The following P2RX5 variants were observed in gnomAD, a reference collection of about 807,000 sequenced individuals.
P2RX5 encodes the protein P2X purinoceptor 5.
In P2RX5, 46 loss-of-function variants were observed where a neutral mutation model predicts 54.1. The observed-to-expected ratio is 0.85, with a 90% CI of 0.67 to 1.09. The LOEUF (loss-of-function observed/expected upper bound fraction) is 1.09, where lower values mean the gene tolerates loss of function less well. Among genes scored for constraint, P2RX5 ranks in the 50% least tolerant of loss-of-function variants. P2RX5 has a pLI of 0.00. For synonymous variants in P2RX5, 226 were observed against 226.4 expected (o/e 1.00, Z 0.02); for missense variants, 566 against 549.8 (o/e 1.03, Z -0.29).
At chr17:3,700,041 C>T (rs1440006312), upstream of P2RX5, among the ~76,000 whole-genome samples, 3 of 152,076 alleles carry the variant, frequency 2.0e-5, no homozygotes, top group Admixed American at 1.3e-4. Flanking sequence ...CCACATATGG[C>T]ATTGTGATGT....
chr17:3,720,503 T>C, the P2RX5 span: 7 of 647,968 alleles, frequency 1.1e-5, no homozygotes, highest in African/African-American at 1.8e-5. Context: ...AAGGTATTCC[T>C]GGGCTTAGTT....
rs2050035314 is a variant in P2RX5, at chr17:3,673,758, CAATGTACA to C, written c.*102_*109del. The C allele has an allele frequency of 1.9e-6, 3 of 1,610,424 alleles. No individual in the cohort carries two copies. The highest frequency in any genetic ancestry group is 2.5e-6 in the Non-Finnish European group (3 of 1,179,342). ...CCTGTGATGTGGCATTGATAGCACC[CAATGTACA>C]AATTTCCCGTTGGGCAGCATCCTGG... On this transcript the variant is annotated 3_prime_UTR_variant, in exon 12 of 12. Coordinates refer to ENST00000225328, the MANE Select transcript of P2RX5 (RefSeq NM_002561.4).
chr17:3,719,648 ATAAC>A, the P2RX5 span, among the ~76,000 whole-genome samples: 1 of 152,246 alleles, frequency 6.6e-6, no homozygotes, highest in Non-Finnish European at 1.5e-5. Flanking sequence ...GTTTAATACT[ATAAC>A]TAAACACTGA....
At chr17:3,699,860 AG>A (rs59131365), upstream of P2RX5, among the ~76,000 whole-genome samples, 1,479 of 54,634 alleles carry the variant, frequency 0.027, 52 homozygotes, top group South Asian at 0.059. Flanking sequence ...GAAAAAAGAA[AG>A]AAAGAAAGAA....
At chr17:3,679,439 AG>A (rs1282209689) in intron 11 of P2RX5, 150 bp downstream of exon 11, 9 of 699,618 alleles carry the variant, frequency 1.3e-5, no homozygotes, top group Non-Finnish European at 1.9e-5. Flanking sequence ...CTTCCCACAG[AG>A]GCTCTCCCAG....
At chr17:3,703,777 T>G in the P2RX5 span, among the ~76,000 whole-genome samples, 1 of 151,100 alleles carries the variant, frequency 6.6e-6, no homozygotes, top group African/African-American at 2.4e-5. Context: ...CCCACAAAAT[T>G]AAAGGAAACA....
chr17:3,685,463 G>C (rs1230110738), intron 9 of P2RX5: 1 of 154,276 alleles, frequency 6.5e-6, no homozygotes, highest in East Asian at 1.8e-4. Context: ...CTCCCTGCCA[G>C]TGCGGCCGCC....
At chr17:3,679,405 C>T (rs74629411) in intron 11 of P2RX5, among the ~76,000 whole-genome samples, 185 bp downstream of exon 11, 4,971 of 152,250 alleles carry the variant, frequency 0.033, 125 homozygotes, top group African/African-American at 0.072. Context: ...CTAAGGGGGA[C>T]CTTGCGGGGT....
At chr17:3,675,033 G>C (rs1284963470) in intron 11 of P2RX5, among the ~76,000 whole-genome samples, 1 of 152,164 alleles carries the variant, frequency 6.6e-6, no homozygotes, top group Non-Finnish European at 1.5e-5. Flanking sequence ...ATGACTAACT[G>C]TAGGAAGACA....
the P2RX5 span, among the ~76,000 whole-genome samples, chr17:3,707,819 G>A: frequency 6.6e-6 from 1 of 152,098 alleles, no homozygotes; most frequent in African/African-American, 2.4e-5. Context: ...AGCACTTTGG[G>A]AGGCCGAGGC....
At chr17:3,693,508 G>A (rs1213602162) in intron 1 of P2RX5, among the ~76,000 whole-genome samples, 3 of 152,210 alleles carry the variant, frequency 2.0e-5, no homozygotes, top group Non-Finnish European at 4.4e-5. Flanking sequence ...GGCCAAGGCA[G>A]GTGGATCACC....
chr17:3,721,116 A>ATGG, the P2RX5 span, among the ~76,000 whole-genome samples: 1 of 151,646 alleles, frequency 6.6e-6, no homozygotes. Flanking sequence ...TTTTGTAGAG[A>ATGG]TGGGGTTTTA....
intron 10 of P2RX5, among the ~76,000 whole-genome samples, chr17:3,680,242 A>T (rs1443066021): frequency 5.1e-3 from 186 of 36,812 alleles, no homozygotes; most frequent in Non-Finnish European, 6.2e-3. Context: ...TCCTCCACCC[A>T]GCGTCCTCCA....
the P2RX5 span, among the ~76,000 whole-genome samples, chr17:3,719,235 C>CAAAAAAAA: frequency 2.1e-4 from 14 of 66,208 alleles, no homozygotes; most frequent in Non-Finnish European, 2.6e-4. Flanking sequence ...GATTCTTCCT[C>CAAAAAAAA]AAAAAAAAAA....
At chr17:3,710,573 A>T in the P2RX5 span, among the ~76,000 whole-genome samples, 99 of 150,096 alleles carry the variant, frequency 6.6e-4, no homozygotes, top group African/African-American at 2.1e-3. Context: ...CTTAACCAAA[A>T]ACCCCTCCTT....
At chr17:3,697,556 A>G (rs1469693552), upstream of P2RX5, among the ~76,000 whole-genome samples, 2 of 152,162 alleles carry the variant, frequency 1.3e-5, no homozygotes, top group Non-Finnish European at 2.9e-5. Flanking sequence ...CCTGAAATTC[A>G]TCAGTGTGAT....
Position 3,691,758 on chromosome 17 carries a change from G to A in P2RX5, c.174C>T (p.Val58=), listed in dbSNP as rs199710400. ...TGACAGCACTCTGCAGGGAGGTGTCGACGTCTTGGTAACCCTTCTTTATCA... is the reference window on the plus strand; with the variant it reads ...TGACAGCACTCTGCAGGGAGGTGTCAACGTCTTGGTAACCCTTCTTTATCA... ...VFLIKKGYQD[V]DTSLQSAVIT... The change falls in exon 2 of 12, where the codon GTC becomes GTT. Residue 58 remains valine, a synonymous_variant. Transcript: ENST00000225328. 73 of 1,614,174 alleles carry A rather than the reference G, an allele frequency of 4.5e-5. No individual in the cohort carries two copies. The highest frequency in any genetic ancestry group is 5.8e-5 in the Non-Finnish European group (69 of 1,180,016).
intron 7 of P2RX5, 71 bp downstream of exon 7, chr17:3,689,421 C>G: frequency 6.3e-7 from 1 of 1,580,576 alleles, no homozygotes; most frequent in Non-Finnish European, 8.7e-7. Flanking sequence ...CGTCCACACC[C>G]TCCTCGTCAC....
chr17:3,723,778 C>G, the P2RX5 span: 4 of 1,601,214 alleles, frequency 2.5e-6, no homozygotes, highest in African/African-American at 1.3e-5. Context: ...ACGCGCTGAA[C>G]AAACCAAGCC....
Sources: gnomAD v4.1 joint callset for allele counts (sites outside exome capture counted in the v4.1 genomes callset) on GRCh38, gnomAD v4.1.1 for gene constraint, MANE v1.5 for transcripts, NCBI Gene and HGNC (gene_info 2026-07-23, HGNC 2026-07-21) for gene names.